Variants in SEPTIN7 observed in about 807,000 individuals in gnomAD.
SEPTIN7 encodes the protein septin-7.
A neutral mutation model predicts 63.3 loss-of-function variants in SEPTIN7; 10 were observed. The ratio of observed to expected loss-of-function variants is 0.16; its 90% CI spans 0.10 to 0.27. SEPTIN7 has a LOEUF of 0.27. Ranked by LOEUF, SEPTIN7 falls within the 10% of genes least tolerant of loss-of-function variation. The pLI is 1.00. For missense variants in SEPTIN7, 310 were observed against 521.0 expected (o/e 0.59, Z 3.94); for synonymous variants, 131 against 165.3 (o/e 0.79, Z 1.59).
chr7:35,814,924 G>A (rs1212749637), intron 1 of SEPTIN7, among the ~76,000 whole-genome samples: 2 of 135,164 alleles, frequency 1.5e-5, no homozygotes, highest in Non-Finnish European at 1.5e-5. Flanking sequence ...GCGGTGAGCC[G>A]AGATCTCGCC....
chr7:35,839,017 A>G (rs1050373487), intron 3 of SEPTIN7, among the ~76,000 whole-genome samples: 1 of 152,190 alleles, frequency 6.6e-6, no homozygotes, highest in African/African-American at 2.4e-5. Context: ...TCCAGCAATT[A>G]TGTTGTTGAT....
intron 11 of SEPTIN7, among the ~76,000 whole-genome samples, chr7:35,895,967 C>T (rs533234401): frequency 2.0e-5 from 3 of 152,120 alleles, no homozygotes; most frequent in East Asian, 1.9e-4. Context: ...TGTGCCACCA[C>T]GCCCGGCTAA....
chr7:35,875,641 T>C (rs745648986), intron 6 of SEPTIN7, among the ~76,000 whole-genome samples: 1 of 152,216 alleles, frequency 6.6e-6, no homozygotes, highest in Non-Finnish European at 1.5e-5. Context: ...ATTTTGTAAT[T>C]GTTATTAAAA....
intron 1 of SEPTIN7, among the ~76,000 whole-genome samples, chr7:35,824,858 A>G (rs1328296021): frequency 3.9e-5 from 6 of 152,194 alleles, no homozygotes; most frequent in Non-Finnish European, 7.4e-5. Flanking sequence ...TCAACATGCA[A>G]TCAGTATAAA....
chr7:35,840,076 T>G (rs1429135838), intron 3 of SEPTIN7, among the ~76,000 whole-genome samples: 1 of 152,040 alleles, frequency 6.6e-6, no homozygotes, highest in Non-Finnish European at 1.5e-5. Context: ...ACTGGCAAAT[T>G]GTTCCTTTCT....
intron 13 of SEPTIN7, among the ~76,000 whole-genome samples, chr7:35,903,667 A>G (rs1788455504): frequency 6.6e-6 from 1 of 152,324 alleles, no homozygotes; most frequent in Non-Finnish European, 1.5e-5. Context: ...TTCCAATACA[A>G]CTAATCAATT....
intron 3 of SEPTIN7, among the ~76,000 whole-genome samples, chr7:35,840,223 TC>T (rs1420889914): frequency 2.9e-5 from 2 of 69,900 alleles, no homozygotes; most frequent in Non-Finnish European, 5.4e-5. Context: ...CCTCCCCCCT[TC>T]CCCCCTTTCC....
chr7:35,898,470 T>G, intron 12 of SEPTIN7, 87 bp downstream of exon 12: 1 of 840,864 alleles, frequency 1.2e-6, no homozygotes, highest in Non-Finnish European at 1.8e-6. Flanking sequence ...TAATATAACC[T>G]TTTTATACAT....
chr7:35,808,350 T>C (rs1419486805), intron 1 of SEPTIN7, among the ~76,000 whole-genome samples: 1 of 152,200 alleles, frequency 6.6e-6, no homozygotes, highest in Non-Finnish European at 1.5e-5. Context: ...CTTGGTAGCA[T>C]TAAGACACAT....
At chr7:35,827,320 T>C (rs187276717) in intron 1 of SEPTIN7, among the ~76,000 whole-genome samples, 2 of 110,846 alleles carry the variant, frequency 1.8e-5, no homozygotes, top group East Asian at 5.2e-4. Context: ...CTATAAATAA[T>C]GTTCCTTATC....
intron 7 of SEPTIN7, among the ~76,000 whole-genome samples, chr7:35,880,223 CTTTTTTTTTTTTT>C: frequency 4.1e-5 from 3 of 72,788 alleles, no homozygotes; most frequent in African/African-American, 1.8e-4. Flanking sequence ...TTTTTCTTTT[CTTTTTTTTTTTTT>C]TTTTTTTGAA....
intron 1 of SEPTIN7, among the ~76,000 whole-genome samples, chr7:35,805,956 G>A (rs1788308930): frequency 1.3e-5 from 2 of 152,148 alleles, no homozygotes; most frequent in African/African-American, 4.8e-5. Context: ...TTGAGGTTTT[G>A]TAATTATTTG....
At chr7:35,830,801 A>G (rs557994690) in intron 1 of SEPTIN7, among the ~76,000 whole-genome samples, 1 of 152,264 alleles carries the variant, frequency 6.6e-6, no homozygotes, top group African/African-American at 2.4e-5. Flanking sequence ...TCTGTGCTTC[A>G]TTAGTTGCCT....
At chr7:35,869,393 G>A (rs1194704076) in intron 4 of SEPTIN7, among the ~76,000 whole-genome samples, 4 of 152,098 alleles carry the variant, frequency 2.6e-5, no homozygotes, top group Non-Finnish European at 5.9e-5. Flanking sequence ...TGTCTTTTGA[G>A]CCAGTAAATA....
At chr7:35,843,379 A>G (rs1784505735) in intron 3 of SEPTIN7, among the ~76,000 whole-genome samples, 1 of 152,146 alleles carries the variant, frequency 6.6e-6, no homozygotes, top group Non-Finnish European at 1.5e-5. Flanking sequence ...CGTAGGCTCT[A>G]ATACCCTAAT....
At chr7:35,894,775 T>C (rs1787863918) in intron 11 of SEPTIN7, among the ~76,000 whole-genome samples, 1 of 152,176 alleles carries the variant, frequency 6.6e-6, no homozygotes, top group Admixed American at 6.5e-5. Flanking sequence ...AATTTGTTCT[T>C]TAGGAAAGAC....
At chr7:35,818,925 G>A (rs1464792577) in intron 1 of SEPTIN7, among the ~76,000 whole-genome samples, 1 of 150,954 alleles carries the variant, frequency 6.6e-6, no homozygotes, top group Non-Finnish European at 1.5e-5. Context: ...ACTAACTTGT[G>A]GTTTTGTTAA....
chr7:35,843,845 G>T (rs1233556179), intron 3 of SEPTIN7, among the ~76,000 whole-genome samples: 1 of 152,126 alleles, frequency 6.6e-6, no homozygotes, highest in Non-Finnish European at 1.5e-5. Context: ...TTCTTGTACT[G>T]CCCAGAACCC....
At chr7:35,808,116 C>T (rs34044025) in intron 1 of SEPTIN7, among the ~76,000 whole-genome samples, 5 of 152,084 alleles carry the variant, frequency 3.3e-5, no homozygotes, top group African/African-American at 1.2e-4. Context: ...CGCACCCAGC[C>T]TGGTTTTTTT....
Sources: allele counts gnomAD v4.1 joint callset (sites outside exome capture counted in the v4.1 genomes callset), GRCh38; gene constraint gnomAD v4.1.1; transcripts MANE v1.5; gene names NCBI Gene and HGNC (gene_info 2026-07-23, HGNC 2026-07-21).